Variants in DYRK1A observed in about 807,000 individuals in gnomAD.
DYRK1A encodes the protein dual specificity tyrosine-phosphorylation-regulated kinase 1A.
In DYRK1A, 9 loss-of-function variants were observed where a neutral mutation model predicts 79.7. The observed-to-expected ratio is 0.11, with a 90% CI of 0.07 to 0.20. The LOEUF is 0.20. Ranked by LOEUF, DYRK1A falls within the 10% of genes least tolerant of loss-of-function variation. DYRK1A has a pLI of 1.00. For synonymous variants in DYRK1A, 349 were observed against 329.7 expected (o/e 1.06, Z -0.63); for missense variants, 622 against 956.0 (o/e 0.65, Z 4.61).
rs1461271850 is a variant in DYRK1A at position 37,515,255 on chromosome 21, C to T, written c.*2724C>T. ...GTAAAAATCTTCCTATGCAATTAAA[C>T]TGGTCCAGGTCTGGTAGGTATAGTA... On this transcript the variant is annotated 3_prime_UTR_variant, in exon 12 of 12. Coordinates refer to ENST00000647188, the MANE Select transcript of DYRK1A (RefSeq NM_001347721.2). 1 of 152,556 alleles carries T rather than the reference C, an allele frequency of 6.6e-6. No homozygotes were observed. Among genetic ancestry groups the T allele is most frequent in the African/African-American group, 2.4e-5 (1 of 41,420 alleles). 9.5% of individuals were successfully genotyped at this position (152,556 alleles called of 1,614,324 possible).
At chr21:37,419,514 T>C (rs1215589285) in intron 1 of DYRK1A, 2 of 152,204 alleles carry the variant, frequency 1.3e-5, no homozygotes, top group African/African-American at 2.4e-5. Flanking sequence ...GGCCAACATA[T>C]GCAACATTGT....
At chr21:37,369,964 C>T (rs562223501) in intron 1 of DYRK1A, among the ~76,000 whole-genome samples, 2 of 152,120 alleles carry the variant, frequency 1.3e-5, no homozygotes, top group South Asian at 4.1e-4. Flanking sequence ...AGTGTAATGT[C>T]TTGTTAGGGA....
intron 2 of DYRK1A, among the ~76,000 whole-genome samples, chr21:37,472,066 G>A (rs912056901): frequency 6.6e-6 from 1 of 152,136 alleles, no homozygotes; most frequent in Non-Finnish European, 1.5e-5. Flanking sequence ...TTTGTGGTGA[G>A]CTTGCCAGGT....
intron 5 of DYRK1A, among the ~76,000 whole-genome samples, chr21:37,482,979 G>T (rs1044523429): frequency 1.3e-5 from 2 of 152,062 alleles, no homozygotes; most frequent in African/African-American, 4.8e-5. Context: ...TTTTCAAGGT[G>T]CCCAGATTTC....
Position 37,486,453 on chromosome 21 carries a change from A to G in DYRK1A, c.490-14A>G. On this transcript the variant is annotated splice_polypyrimidine_tract_variant and intron_variant, in intron 5 of 11. Coordinates refer to ENST00000647188, the MANE Select transcript of DYRK1A (RefSeq NM_001347721.2). ...CAATTAATGAAATAGAGAATTATTC[A>G]TCTTCTCTTTTAGGTTGTAAAGGCA... 1 of 1,424,600 alleles carries G rather than the reference A, an allele frequency of 7.0e-7. No homozygotes were observed. The highest frequency in any genetic ancestry group is 9.2e-7 in the Non-Finnish European group (1 of 1,081,982). The allele number at this position is 1,424,600 out of a possible 1,614,324, so 88.2% of individuals were successfully genotyped here.
intron 2 of DYRK1A, among the ~76,000 whole-genome samples, chr21:37,431,494 G>A (rs1010203900): frequency 1.3e-5 from 2 of 152,126 alleles, no homozygotes; most frequent in Non-Finnish European, 1.5e-5. Context: ...GTGACTTTGG[G>A]TTTCGACCGG....
At chr21:37,485,149 T>C (rs767879117) in intron 5 of DYRK1A, among the ~76,000 whole-genome samples, 3 of 152,168 alleles carry the variant, frequency 2.0e-5, no homozygotes, top group Non-Finnish European at 4.4e-5. Context: ...AAAAACCTTA[T>C]TAAATTTGTA....
chr21:37,382,628 G>A (rs2049680414), intron 1 of DYRK1A, among the ~76,000 whole-genome samples: 2 of 152,106 alleles, frequency 1.3e-5, no homozygotes. Flanking sequence ...AGGTATTCTT[G>A]TAAATCTGAG....
At chr21:37,400,327 T>C (rs945942157) in intron 1 of DYRK1A, among the ~76,000 whole-genome samples, 10 of 152,132 alleles carry the variant, frequency 6.6e-5, no homozygotes, top group African/African-American at 2.4e-4. Flanking sequence ...GACCTGTTTT[T>C]CCCCCAAATC....
intron 1 of DYRK1A, among the ~76,000 whole-genome samples, chr21:37,390,593 C>G (rs2049851775): frequency 6.6e-6 from 1 of 152,038 alleles, no homozygotes; most frequent in Admixed American, 6.5e-5. Flanking sequence ...TTTTATGAGA[C>G]AGTCTCGCTC....
upstream of DYRK1A, chr21:37,365,641 T>C (rs909702806): frequency 6.6e-6 from 1 of 151,826 alleles, no homozygotes; most frequent in Non-Finnish European, 1.5e-5. Flanking sequence ...GTAGGGAGAA[T>C]AAAAATCAGC....
intron 2 of DYRK1A, among the ~76,000 whole-genome samples, chr21:37,440,574 A>G (rs1384006214): frequency 6.6e-6 from 1 of 152,138 alleles, no homozygotes; most frequent in Non-Finnish European, 1.5e-5. Context: ...AAATTTTGAT[A>G]TATTTTATTT....
intron 1 of DYRK1A, among the ~76,000 whole-genome samples, chr21:37,382,729 C>T (rs1343886816): frequency 6.6e-6 from 1 of 152,218 alleles, no homozygotes; most frequent in East Asian, 1.9e-4. Flanking sequence ...CACTGGCCTA[C>T]TGAATGAATA....
At chr21:37,484,549 G>T (rs181752595) in intron 5 of DYRK1A, among the ~76,000 whole-genome samples, 1 of 152,032 alleles carries the variant, frequency 6.6e-6, no homozygotes, top group Non-Finnish European at 1.5e-5. Context: ...GGCTGGTCTC[G>T]AGCTCCTGAC....
intron 1 of DYRK1A, among the ~76,000 whole-genome samples, chr21:37,403,657 A>ATG (rs1569295416): frequency 8.0e-6 from 1 of 124,952 alleles, no homozygotes; most frequent in African/African-American, 3.3e-5. Context: ...AAATATATAT[A>ATG]TATATATGTG....
intron 2 of DYRK1A, among the ~76,000 whole-genome samples, chr21:37,441,051 TG>T (rs2051088005): frequency 6.6e-6 from 1 of 152,146 alleles, no homozygotes; most frequent in Non-Finnish European, 1.5e-5. Context: ...TCATTTTTTT[TG>T]GTCTGTGTGT....
At chr21:37,383,875 G>C (rs1041320168) in intron 1 of DYRK1A, among the ~76,000 whole-genome samples, 5 of 150,924 alleles carry the variant, frequency 3.3e-5, no homozygotes, top group Non-Finnish European at 5.9e-5. Flanking sequence ...GTATCTTAGT[G>C]TAAAACATTT....
chr21:37,488,526 TA>T, intron 6 of DYRK1A: 7 of 964,162 alleles, frequency 7.3e-6, no homozygotes, highest in Non-Finnish European at 8.6e-6. Context: ...ATGGTCTAGT[TA>T]AAAGAAAATT....
rs568032467 is a variant in DYRK1A at position 37,371,372 on chromosome 21, T to C, written c.-77+3744T>C. Among the ~76,000 whole-genome samples, 8 of 152,358 alleles carry C rather than the reference T, an allele frequency of 5.3e-5. No homozygotes were observed. In the South Asian group the frequency reaches 1.4e-3, roughly 28 times the overall value. On this transcript the variant is annotated intron_variant, in intron 1 of 11. Transcript: ENST00000647188. ...ATGGAAACAAAATGATTTGGAAATA[T>C]TGCACTGCGTAAGCCAGCTAGGTAT... is the stretch of plus-strand genomic sequence containing the variant.
Sources: allele counts gnomAD v4.1 joint callset (sites outside exome capture counted in the v4.1 genomes callset), GRCh38; gene constraint gnomAD v4.1.1; transcripts MANE v1.5; gene names NCBI Gene and HGNC (gene_info 2026-07-23, HGNC 2026-07-21).